The following MYO7B variants were observed in gnomAD, a reference collection of about 807,000 sequenced individuals.
MYO7B encodes unconventional myosin-VIIb.
A neutral mutation model predicts 259.7 loss-of-function variants in MYO7B; 212 were observed. The observed-to-expected ratio is 0.82, with a 90% confidence interval of 0.73 to 0.91. The LOEUF (loss-of-function observed/expected upper bound fraction) is 0.91. Ranked by LOEUF, MYO7B falls within the 40% of genes least tolerant of loss-of-function variation. The probability of loss-of-function intolerance (pLI) is 0.00; values close to 1 mark genes in which losing one functional copy is unlikely to be tolerated. For missense variants in MYO7B, 2,732 were observed against 2,813.5 expected (o/e 0.97, Z 0.66); for synonymous variants, 1,197 against 1,166.4 (o/e 1.03, Z -0.54).
chr2:127,620,347 A>G lies in MYO7B; in HGVS notation c.3406A>G (p.Ile1136Val). Residue 1136 changes from isoleucine to valine, a missense_variant, in exon 27 of 48, where the codon ATT becomes GTT. Ile to Val is a conservative substitution (Grantham distance 29). Around this residue, in one of 3 missense-constraint regions of MYO7B, gnomAD observed 1,906 missense variants for 2,026.4 expected, o/e 0.94. Coordinates refer to ENST00000409816, the MANE Select transcript of MYO7B (RefSeq NM_001393586.1). Reference protein sequence around the residue: ...AILRPSLRDEIYCQICKQLSE... With the variant: ...AILRPSLRDEVYCQICKQLSE... ...ATGGTCTGTGTCTTTCAGGGATGAGATTTACTGCCAGATCTGCAAGCAGCT... is the reference window on the plus strand; with the variant it reads ...ATGGTCTGTGTCTTTCAGGGATGAGGTTTACTGCCAGATCTGCAAGCAGCT... 1.9e-6 allele frequency: 3 copies of G among 1,611,522 alleles called. No individual in the cohort carries two copies. The highest frequency in any genetic ancestry group is 1.7e-6 in the Non-Finnish European group (2 of 1,178,184).
chr2:127,581,395 GAAAATT>G (rs1383909779), intron 10 of MYO7B, among the ~76,000 whole-genome samples: 1 of 152,204 alleles, frequency 6.6e-6, no homozygotes, highest in Non-Finnish European at 1.5e-5. Flanking sequence ...AGTTCTGGTG[GAAAATT>G]AATAGAATCA....
chr2:127,553,308 AT>A (rs1433338297), intron 1 of MYO7B, among the ~76,000 whole-genome samples: 4 of 152,176 alleles, frequency 2.6e-5, no homozygotes, highest in Non-Finnish European at 5.9e-5. Flanking sequence ...TGATGGTGGT[AT>A]TTTGATGGGA....
At chr2:127,591,529 G>C (rs1351412009) in intron 16 of MYO7B, among the ~76,000 whole-genome samples, 1 of 152,200 alleles carries the variant, frequency 6.6e-6, no homozygotes, top group Non-Finnish European at 1.5e-5. Context: ...ACCCCCACCA[G>C]GTAGGAATGT....
At chr2:127,562,691 T>C (rs1376873866) in intron 2 of MYO7B, among the ~76,000 whole-genome samples, 1 of 152,070 alleles carries the variant, frequency 6.6e-6, no homozygotes, top group Non-Finnish European at 1.5e-5. Context: ...TTTCACTATG[T>C]TGGCCAGGCT....
At chr2:127,596,029 G>A (rs945681429) in intron 18 of MYO7B, among the ~76,000 whole-genome samples, 6 of 152,074 alleles carry the variant, frequency 3.9e-5, no homozygotes, top group Non-Finnish European at 5.9e-5. Context: ...TTTCTGTCTC[G>A]ATGATCTGTC....
rs145829285 is a variant in MYO7B, at chr2:127,615,234, G to T, written c.3398+2631G>T. Among the ~76,000 whole-genome samples the T allele has an allele frequency of 1.1e-3, 160 of 152,298 alleles. No homozygotes were observed. The highest frequency in any genetic ancestry group is 3.5e-3 in the African/African-American group (146 of 41,560). The stretch of plus-strand genomic sequence containing the variant: ...GGCCAAGGAAGGAGGAGGGGTGTTT[G>T]CCAGACAGAGGGAAAGGGTAGACGG... On this transcript the variant is annotated intron_variant, in intron 26 of 47. Coordinates refer to ENST00000409816, the MANE Select transcript of MYO7B (RefSeq NM_001393586.1). The surrounding 1 kb of genome is among the most constrained non-coding windows in gnomAD (Gnocchi z 4.4).
At chr2:127,575,916 A>G (rs1206119496) in intron 7 of MYO7B, among the ~76,000 whole-genome samples, 1 of 152,232 alleles carries the variant, frequency 6.6e-6, no homozygotes, top group Non-Finnish European at 1.5e-5. Context: ...TGAGACTCCC[A>G]TCTTTTAACA....
intron 9 of MYO7B, among the ~76,000 whole-genome samples, chr2:127,579,985 C>T (rs1326053386): frequency 6.6e-6 from 1 of 152,094 alleles, no homozygotes; most frequent in Non-Finnish European, 1.5e-5. Flanking sequence ...GGGTGCTTAC[C>T]TCCGGAGGAG....
chr2:127,634,979 GA>G lies in MYO7B; in HGVS notation c.5714-137del. 5.6e-6 allele frequency: 4 copies of G among 713,798 alleles called. No individual in the cohort carries two copies. In the South Asian group the frequency reaches 6.7e-5, roughly 12 times the overall value. 44.2% of individuals were successfully genotyped at this position (713,798 alleles called of 1,614,324 possible). A position where few individuals can be genotyped will look rare whatever the true frequency, so the allele number is the denominator to read the frequency against. On this transcript the variant is annotated intron_variant, in intron 42 of 47. Transcript: ENST00000409816. ...GGCAGCCTCTACACTAATATTGAAG[GA>G]AAATGTGGGGACTGGGGAGGAAGAA...
rs1679299140 is a variant in MYO7B at position 127,586,254 on chromosome 2, G to A, written c.1690+1341G>A. Among the ~76,000 whole-genome samples the A allele has an allele frequency of 6.6e-6, 1 of 152,162 alleles. No individual in the cohort carries two copies. The highest frequency in any genetic ancestry group is 1.5e-5 in the Non-Finnish European group (1 of 68,040). ...ATATGTTGAGAGAGGATCGGTAATG[G>A]TTTTGACTGAAGAAGTGAAGGCCTG... On this transcript the variant is annotated intron_variant, in intron 14 of 47. Transcript: ENST00000409816. This position sits in a 1 kb window ranked among gnomAD's most constrained non-coding sequence, Gnocchi z 4.8.
At position 127,590,130 on chromosome 2, in the gene MYO7B, C is replaced by T. The variant is rs1305770165; in HGVS notation, c.1893C>T (p.Ser631=). 6.2e-7 allele frequency: 1 copy of T among 1,605,692 alleles called. No homozygotes were observed. Among genetic ancestry groups the T allele is most frequent in the East Asian group, 2.2e-5 (1 of 44,764 alleles). The change falls in exon 16 of 48, where the codon AGC becomes AGT. Residue 631 remains serine (S), a synonymous_variant. Transcript: ENST00000409816. The surrounding 1 kb of genome is among the most constrained non-coding windows in gnomAD (Gnocchi z 4.6). ...DSNKRPSTLG[S]QFKQSLDQLM... Reference sequence around the variant, plus strand: ...ATAAACGGCCCTCCACCTTAGGAAGCCAGTTCAAACAGTCTCTGGACCAGC... The same window carrying T: ...ATAAACGGCCCTCCACCTTAGGAAGTCAGTTCAAACAGTCTCTGGACCAGC...
chr2:127,579,951 A>C (rs771525611), intron 9 of MYO7B, among the ~76,000 whole-genome samples: 2 of 152,086 alleles, frequency 1.3e-5, no homozygotes, highest in Admixed American at 6.5e-5. Flanking sequence ...AGGGAATAAA[A>C]AGCTAGGAAG....
chr2:127,589,860 GTGGA>G (rs1171686506), intron 15 of MYO7B, among the ~76,000 whole-genome samples: 1 of 127,658 alleles, frequency 7.8e-6, no homozygotes. Context: ...TGGTGGGCGG[GTGGA>G]TGGGTGGGTG....
Position 127,625,376 on chromosome 2 carries a change from G to A in MYO7B, c.4056G>A (p.Glu1352=). Residue 1352 remains glutamate, a synonymous_variant, in exon 31 of 48, where the codon GAG becomes GAA. Transcript: ENST00000409816. ...SGEYSFEKEE[E]LVELLARHCY... is the part of the protein sequence containing the mutation. ...TGCCCTGGGCTGTGCAGGAGGAAGAGCTGGTTGAGCTGCTGGCCCGGCACT... is the reference window on the plus strand; with the variant it reads ...TGCCCTGGGCTGTGCAGGAGGAAGAACTGGTTGAGCTGCTGGCCCGGCACT... 1 of 1,580,086 alleles carries A rather than the reference G, an allele frequency of 6.3e-7. No individual in the cohort carries two copies. The highest frequency in any genetic ancestry group is 8.6e-7 in the Non-Finnish European group (1 of 1,163,792).
intron 38 of MYO7B, 113 bp downstream of exon 38, chr2:127,631,866 C>T: frequency 7.5e-7 from 1 of 1,340,256 alleles, no homozygotes; most frequent in Admixed American, 2.3e-5. Flanking sequence ...AGAACCCCTG[C>T]CTGGGCTCCT....
chr2:127,630,846 T>TCCTGAGGAGCCACCC lies in MYO7B; in HGVS notation c.4876_4890dup (p.Pro1626_Pro1630dup), dbSNP rs1166691220. The TCCTGAGGAGCCACCC allele has an allele frequency of 6.2e-7, 1 of 1,612,490 alleles. No homozygotes were observed. Among genetic ancestry groups the TCCTGAGGAGCCACCC allele is most frequent in the Admixed American group, 1.7e-5 (1 of 59,914 alleles). On this transcript the variant is annotated inframe_insertion, in exon 36 of 48. Coordinates refer to ENST00000409816, the MANE Select transcript of MYO7B (RefSeq NM_001393586.1). Reference sequence around the variant, plus strand: ...AGGAGGGGCAGTTCACAGAGCCACGTCCTGAGGAGCCACCCAAGGAAAAGC... The same window carrying TCCTGAGGAGCCACCC: ...AGGAGGGGCAGTTCACAGAGCCACGTCCTGAGGAGCCACCCCCTGAGGAGCCACCCAAGGAAAAGC...
At position 127,566,727 on chromosome 2, in the gene MYO7B, A is replaced by AGCC; in HGVS notation, c.374_376dup (p.Arg125dup). 1.9e-6 allele frequency: 3 copies of AGCC among 1,612,224 alleles called. No homozygotes were observed. Among genetic ancestry groups the AGCC allele is most frequent in the Non-Finnish European group, 2.5e-6 (3 of 1,179,746 alleles). On this transcript the variant is annotated inframe_insertion, in exon 5 of 48. Coordinates refer to ENST00000409816, the MANE Select transcript of MYO7B (RefSeq NM_001393586.1). ...CCTGGAGCAGGTACAGCTCTACTAC[A>AGCC]GCCGCCATATGGGCGAGCTGCCCCC...
chr2:127,542,165 A>G (rs1279521125), intron 1 of MYO7B, among the ~76,000 whole-genome samples: 1 of 152,212 alleles, frequency 6.6e-6, no homozygotes, highest in Admixed American at 6.5e-5. Context: ...TGGGAAGGGT[A>G]TCTCTTGGAC....
rs1368976058 is a variant in MYO7B, at chr2:127,548,982, AG to A, written c.-23-10716del. Among the ~76,000 whole-genome samples the A allele has an allele frequency of 1.6e-4, 24 of 152,190 alleles. 1 individual carries two copies. Among genetic ancestry groups the A allele is most frequent in the Admixed American group, 6.5e-5 (1 of 15,274 alleles). ...GCGTGTATTTTGACACTTTCTTGGCAGGTGCGTACATGTTAATAATTGTCAT... is the reference window on the plus strand; with the variant it reads ...GCGTGTATTTTGACACTTTCTTGGCAGTGCGTACATGTTAATAATTGTCAT... On this transcript the variant is annotated intron_variant, in intron 1 of 47. Coordinates refer to ENST00000409816, the MANE Select transcript of MYO7B (RefSeq NM_001393586.1).
Sources: allele counts gnomAD v4.1 joint callset (sites outside exome capture counted in the v4.1 genomes callset), GRCh38; gene constraint gnomAD v4.1.1; regional missense constraint gnomAD v4.1.1; non-coding constraint Gnocchi (gnomAD v3.1); transcripts MANE v1.5; gene names NCBI Gene and HGNC (gene_info 2026-07-23, HGNC 2026-07-21).